Variants in CECR2 observed in about 807,000 individuals in gnomAD.
The protein encoded by CECR2 is CECR2 histone acetyl-lysine reader.
CECR2 carries 30 observed loss-of-function variants against 154.5 expected under a neutral mutation model. That is an observed-to-expected ratio of 0.19 (90% confidence interval 0.15 to 0.26). CECR2 has a LOEUF of 0.26. Among genes scored for constraint, CECR2 ranks in the 10% least tolerant of loss-of-function variants. CECR2 has a pLI of 1.00. For missense variants in CECR2, 1,743 were observed against 1,829.3 expected (o/e 0.95, Z 0.86); for synonymous variants, 725 against 683.7 (o/e 1.06, Z -0.94).
At chr22:17,494,788 A>G (rs2055593015) in intron 2 of CECR2, among the ~76,000 whole-genome samples, 1 of 152,006 alleles carries the variant, frequency 6.6e-6, no homozygotes, top group Non-Finnish European at 1.5e-5. Context: ...TCTGCCTCCC[A>G]GGTTCAAGCA....
chr22:17,530,355 T>C (rs1312728097), intron 9 of CECR2, among the ~76,000 whole-genome samples: 1 of 151,252 alleles, frequency 6.6e-6, no homozygotes, highest in Non-Finnish European at 1.5e-5. Flanking sequence ...TTAAAGAAAC[T>C]TGAAAGGAGG....
intron 6 of CECR2, among the ~76,000 whole-genome samples, chr22:17,504,505 C>T (rs906872152): frequency 6.6e-6 from 1 of 150,676 alleles, no homozygotes; most frequent in African/African-American, 2.5e-5. Flanking sequence ...GGCGTGATCT[C>T]GGCTCACTGC....
intron 1 of CECR2, among the ~76,000 whole-genome samples, chr22:17,414,263 C>CAT (rs1569066599): frequency 2.6e-5 from 4 of 152,138 alleles, no homozygotes; most frequent in Non-Finnish European, 5.9e-5. Flanking sequence ...TGAGCCACTG[C>CAT]GCCCGGCGGA....
chr22:17,477,712 C>CT, intron 2 of CECR2, 30 bp downstream of exon 2: 1 of 1,514,504 alleles, frequency 6.6e-7, no homozygotes, highest in Non-Finnish European at 9.2e-7. Flanking sequence ...CTAAGCATTT[C>CT]TTGCGCCAAG....
chr22:17,382,850 CAA>C (rs1037200044), intron 1 of CECR2, among the ~76,000 whole-genome samples: 14 of 152,004 alleles, frequency 9.2e-5, no homozygotes, highest in African/African-American at 3.1e-4. Context: ...GGTTGCAAGT[CAA>C]GTTTGCAACA....
intron 1 of CECR2, among the ~76,000 whole-genome samples, chr22:17,472,317 A>G (rs1215096475): frequency 2.0e-5 from 3 of 152,358 alleles, no homozygotes. Context: ...TGTCAAAGTC[A>G]GGGGAGCCTT....
At chr22:17,467,350 G>T (rs143858703) in intron 1 of CECR2, among the ~76,000 whole-genome samples, 1 of 152,102 alleles carries the variant, frequency 6.6e-6, no homozygotes, top group East Asian at 1.9e-4. Context: ...TTTGAGGAAC[G>T]TATCTGTAGA....
chr22:17,459,269 G>A (rs2146725234), intron 1 of CECR2, among the ~76,000 whole-genome samples: 1 of 152,300 alleles, frequency 6.6e-6, no homozygotes, highest in East Asian at 1.9e-4. Context: ...GAGCAAAGAT[G>A]CAGTTTCTTT....
intron 1 of CECR2, among the ~76,000 whole-genome samples, chr22:17,472,182 A>G (rs967821899): frequency 5.3e-5 from 8 of 152,198 alleles, no homozygotes; most frequent in Non-Finnish European, 1.0e-4. Context: ...TGAAAGTGTT[A>G]TGTAGCTGGT....
At chr22:17,399,491 C>T (rs1453654007) in intron 1 of CECR2, among the ~76,000 whole-genome samples, 1 of 149,204 alleles carries the variant, frequency 6.7e-6, no homozygotes, top group East Asian at 2.0e-4. Context: ...GATCTCGGCT[C>T]ACTGCAACCT....
chr22:17,428,979 C>A (rs1404980590), intron 1 of CECR2, among the ~76,000 whole-genome samples: 1 of 151,844 alleles, frequency 6.6e-6, no homozygotes, highest in African/African-American at 2.4e-5. Context: ...TATAGTGGTA[C>A]CAGTGTACAT....
At chr22:17,408,491 C>G (rs1457560409) in intron 1 of CECR2, among the ~76,000 whole-genome samples, 1 of 152,098 alleles carries the variant, frequency 6.6e-6, no homozygotes, top group Admixed American at 6.6e-5. Context: ...GTCTGAAATT[C>G]TAGCCCACAT....
At chr22:17,518,845 A>G (rs1482366156) in intron 8 of CECR2, 3 of 269,780 alleles carry the variant, frequency 1.1e-5, no homozygotes, top group African/African-American at 2.3e-5. Context: ...GAGCTGATGT[A>G]GGAGTTTTTA....
intron 1 of CECR2, among the ~76,000 whole-genome samples, chr22:17,421,229 C>T (rs557095971): frequency 6.6e-6 from 1 of 152,196 alleles, no homozygotes; most frequent in Admixed American, 6.5e-5. Context: ...CACCTGTGAT[C>T]CCAGCACGTT....
intron 1 of CECR2, among the ~76,000 whole-genome samples, chr22:17,443,403 A>G (rs900568259): frequency 1.3e-5 from 2 of 152,194 alleles, no homozygotes; most frequent in African/African-American, 2.4e-5. Flanking sequence ...ATATTCAGAA[A>G]GGAAAAAAGG....
At chr22:17,362,990 C>T (rs1476005019) in intron 1 of CECR2, among the ~76,000 whole-genome samples, 7 of 150,802 alleles carry the variant, frequency 4.6e-5, no homozygotes, top group South Asian at 2.1e-4. Flanking sequence ...TTTGATAACC[C>T]TGGTCTCCAT....
intron 10 of CECR2, 116 bp from the exon 11 acceptor site, chr22:17,538,404 A>T: frequency 2.2e-6 from 2 of 895,412 alleles, no homozygotes; most frequent in Non-Finnish European, 3.7e-6. Context: ...TCTAAACCAC[A>T]CTATTAGGAC....
In CECR2 at chr22:17,405,974, A is replaced by G. The variant is rs987344547; in HGVS notation, c.126+36065A>G. 3.3e-5 allele frequency among the ~76,000 whole-genome samples: 5 copies of G among 152,002 alleles called. No homozygotes were observed. The South Asian group carries it at 6.2e-4, about 19-fold the overall frequency. On this transcript the variant is annotated intron_variant, in intron 1 of 18. Transcript: ENST00000262608. The stretch of plus-strand genomic sequence containing the variant: ...TCAGGTCTTCCCCTTTTCCCTTTCT[A>G]TTTCTTCCTGCAGCCATGGGTTATT...
intron 2 of CECR2, among the ~76,000 whole-genome samples, chr22:17,481,342 C>CAAAA (rs10714119): frequency 8.5e-4 from 63 of 73,756 alleles, no homozygotes; most frequent in African/African-American, 3.0e-3. Context: ...GACTCTGTCT[C>CAAAA]AAAAAAAAAA....
Sources: gnomAD v4.1 joint callset for allele counts (sites outside exome capture counted in the v4.1 genomes callset) on GRCh38, gnomAD v4.1.1 for gene constraint, MANE v1.5 for transcripts, NCBI Gene and HGNC (gene_info 2026-07-23, HGNC 2026-07-21) for gene names.